The following STK32B variants were observed in gnomAD, a reference collection of about 807,000 sequenced individuals.
STK32B encodes serine/threonine-protein kinase 32B.
STK32B carries 43 observed loss-of-function variants against 52.6 expected under a neutral mutation model. That is an observed-to-expected ratio of 0.82 (90% CI 0.64 to 1.05). STK32B has a LOEUF of 1.05. Ranked by LOEUF, STK32B falls within the 50% of genes least tolerant of loss-of-function variation. The probability of loss-of-function intolerance (pLI) is 0.00; values close to 1 mark genes in which losing one functional copy is unlikely to be tolerated. For synonymous variants in STK32B, 238 were observed against 204.3 expected (o/e 1.17, Z -1.41); for missense variants, 621 against 534.6 (o/e 1.16, Z -1.59).
chr4:5,272,920 CAT>C (rs1459043172), intron 3 of STK32B, among the ~76,000 whole-genome samples: 2 of 146,766 alleles, frequency 1.4e-5, no homozygotes, highest in African/African-American at 5.1e-5. Context: ...CCATTCAGGA[CAT>C]AGGCATGGGC....
intron 1 of STK32B, among the ~76,000 whole-genome samples, chr4:5,127,391 G>A (rs1715468950): frequency 6.6e-6 from 1 of 152,172 alleles, no homozygotes; most frequent in African/African-American, 2.4e-5. Context: ...TGGGGCTGTG[G>A]TGAATTGACA....
At chr4:5,356,643 C>T (rs1164998046) in intron 4 of STK32B, among the ~76,000 whole-genome samples, 1 of 152,178 alleles carries the variant, frequency 6.6e-6, no homozygotes, top group African/African-American at 2.4e-5. Context: ...GGCGGTCCTT[C>T]TGGAATTACC....
chr4:5,308,082 G>T (rs1730047323), intron 3 of STK32B, among the ~76,000 whole-genome samples: 1 of 152,140 alleles, frequency 6.6e-6, no homozygotes, highest in Non-Finnish European at 1.5e-5. Flanking sequence ...TTTGTTAAGT[G>T]TGCTGGTTTT....
In STK32B at chr4:5,130,773, C is replaced by T. The variant is rs557373846; in HGVS notation, c.53-9132C>T. On this transcript the variant is annotated intron_variant, in intron 1 of 11. Coordinates refer to ENST00000282908, the MANE Select transcript of STK32B (RefSeq NM_018401.3). ...TGTCTACCAATCCAGTGGGTTAATC[C>T]TTCCTCCACCCTGCCCCACTCATCC... is the stretch of plus-strand genomic sequence containing the variant. 6.6e-5 allele frequency among the ~76,000 whole-genome samples: 10 copies of T among 152,256 alleles called. No individual in the cohort carries two copies. The South Asian group carries it at 1.7e-3, about 25-fold the overall frequency.
At chr4:5,036,206 A>C in the STK32B span, among the ~76,000 whole-genome samples, 1 of 152,194 alleles carries the variant, frequency 6.6e-6, no homozygotes, top group Non-Finnish European at 1.5e-5. Flanking sequence ...ATAGATGTGA[A>C]ACCAATCTGA....
chr4:5,317,054 A>ATCATATATAT (rs1730999914), intron 3 of STK32B, among the ~76,000 whole-genome samples: 4 of 38,816 alleles, frequency 1.0e-4, no homozygotes, highest in East Asian at 1.3e-3. Context: ...TATATATAAT[A>ATCATATATAT]TATATGATAT....
intron 1 of STK32B, among the ~76,000 whole-genome samples, chr4:5,093,152 T>A (rs1370098900): frequency 6.6e-6 from 1 of 151,728 alleles, no homozygotes; most frequent in African/African-American, 2.4e-5. Context: ...ACTGAAAAAA[T>A]TAAGAAAAAG....
At position 5,118,107 on chromosome 4, in the gene STK32B, T is replaced by C. The variant is rs371792411; in HGVS notation, c.53-21798T>C. On this transcript the variant is annotated intron_variant, in intron 1 of 11. Transcript: ENST00000282908. ...AAGGGTTCCTTTCTCTTCAATTTTT[T>C]GGGAACAGTTAGAGAAGGATTGGCC... Among the ~76,000 whole-genome samples, 8 of 152,202 alleles carry C rather than the reference T, an allele frequency of 5.3e-5. No homozygotes were observed. The East Asian group carries it at 7.7e-4, about 15-fold the overall frequency.
chr4:5,478,151 C>T lies in STK32B; in HGVS notation c.1106+10081C>T, dbSNP rs557621267. Among the ~76,000 whole-genome samples the T allele has an allele frequency of 1.6e-4, 25 of 152,202 alleles. No individual in the cohort carries two copies. In the Middle Eastern group the frequency reaches 0.01, roughly 62 times the overall value. ...CTACCAGTTGCCCATCCATTCTCACCCTAAAAATGGGCCTGGTTCACTTTT... is the reference window on the plus strand; with the variant it reads ...CTACCAGTTGCCCATCCATTCTCACTCTAAAAATGGGCCTGGTTCACTTTT... On this transcript the variant is annotated intron_variant, in intron 11 of 11. Transcript: ENST00000282908.
chr4:5,409,248 G>T (rs1191632151), intron 5 of STK32B, among the ~76,000 whole-genome samples: 2 of 152,080 alleles, frequency 1.3e-5, no homozygotes, highest in Non-Finnish European at 2.9e-5. Context: ...TCTGGCTCTT[G>T]TGATACAGGA....
intron 4 of STK32B, among the ~76,000 whole-genome samples, chr4:5,392,276 T>C (rs1372539271): frequency 6.6e-6 from 1 of 151,906 alleles, no homozygotes; most frequent in Admixed American, 6.6e-5. Context: ...AAATACAAAA[T>C]TTAGTCAGGT....
Position 5,411,424 on chromosome 4 carries a change from T to C in STK32B, c.473-5421T>C, listed in dbSNP as rs187373990. Among the ~76,000 whole-genome samples the C allele has an allele frequency of 3.3e-4, 51 of 152,298 alleles. No homozygotes were observed. The East Asian group carries it at 9.1e-3, about 27-fold the overall frequency. ...TAAAAAGTGGTCAAAAATGATTTCGTAGCAGACAAAAAGTAACAATGAAAC... is the reference window on the plus strand; with the variant it reads ...TAAAAAGTGGTCAAAAATGATTTCGCAGCAGACAAAAAGTAACAATGAAAC... On this transcript the variant is annotated intron_variant, in intron 5 of 11. Transcript: ENST00000282908.
intron 2 of STK32B, among the ~76,000 whole-genome samples, chr4:5,160,658 G>A (rs1391769796): frequency 6.6e-6 from 1 of 152,204 alleles, no homozygotes; most frequent in African/African-American, 2.4e-5. Context: ...CATTCATTCA[G>A]CCACAGTTAT....
rs115308286 is a variant in STK32B, at chr4:5,109,147, C to G, written c.53-30758C>G. 5.4e-3 allele frequency among the ~76,000 whole-genome samples: 827 copies of G among 152,304 alleles called. 8 individuals are homozygous for G. Among genetic ancestry groups the G allele is most frequent in the African/African-American group, 0.018 (763 of 41,556 alleles). On this transcript the variant is annotated intron_variant, in intron 1 of 11. Transcript: ENST00000282908. Reference sequence around the variant, plus strand: ...GCAACAAAACTATGTGCTTTATTATCCTGTGAGCCCTGACATCTCAGAATC... The same window carrying G: ...GCAACAAAACTATGTGCTTTATTATGCTGTGAGCCCTGACATCTCAGAATC...
chr4:5,136,490 A>G (rs1716086850), intron 1 of STK32B, among the ~76,000 whole-genome samples: 1 of 152,214 alleles, frequency 6.6e-6, no homozygotes, highest in African/African-American at 2.4e-5. Flanking sequence ...CTCAGATGGA[A>G]TGGGTTCCTG....
At chr4:5,043,448 T>C in the STK32B span, among the ~76,000 whole-genome samples, 1 of 152,232 alleles carries the variant, frequency 6.6e-6, no homozygotes, top group Non-Finnish European at 1.5e-5. Flanking sequence ...CTCTCATAAA[T>C]CTAGCTATAT....
At position 5,247,154 on chromosome 4, in the gene STK32B, G is replaced by T. The variant is rs1006796654; in HGVS notation, c.260+78704G>T. On this transcript the variant is annotated intron_variant, in intron 3 of 11. Coordinates refer to ENST00000282908, the MANE Select transcript of STK32B (RefSeq NM_018401.3). ...GGTTATTGCTGTCTTTTGTTTGTCTGTGCCCTGCCCCCAGAGGTGGAGCCT... is the reference window on the plus strand; with the variant it reads ...GGTTATTGCTGTCTTTTGTTTGTCTTTGCCCTGCCCCCAGAGGTGGAGCCT... Among the ~76,000 whole-genome samples, 7 of 152,310 alleles carry T rather than the reference G, an allele frequency of 4.6e-5. No individual in the cohort carries two copies. In the East Asian group the frequency reaches 1.2e-3, roughly 25 times the overall value.
intron 11 of STK32B, among the ~76,000 whole-genome samples, chr4:5,495,505 T>G (rs1287166273): frequency 3.3e-5 from 5 of 152,212 alleles, no homozygotes; most frequent in Admixed American, 3.3e-4. Context: ...TTTCAACTTC[T>G]TTGCCTTCAG....
Position 5,446,749 on chromosome 4 carries a change from C to T in STK32B, c.639C>T (p.Ile213=). The T allele has an allele frequency of 6.2e-7, 1 of 1,614,024 alleles. No individual in the cohort carries two copies. Among genetic ancestry groups the T allele is most frequent in the Non-Finnish European group, 8.5e-7 (1 of 1,179,982 alleles). ...CTGTCGACTGGTGGTCCCTGGGCAT[C>T]ACAGCCTATGAGCTGCTGCGGGGCT... ...SYPVDWWSLG[I]TAYELLRGWR... is the part of the protein sequence containing the mutation. Residue 213 remains isoleucine (I), a synonymous_variant, in exon 7 of 12, where the codon ATC becomes ATT. Transcript: ENST00000282908.
Sources: allele counts gnomAD v4.1 joint callset (sites outside exome capture counted in the v4.1 genomes callset), GRCh38; gene constraint gnomAD v4.1.1; transcripts MANE v1.5; gene names NCBI Gene and HGNC (gene_info 2026-07-23, HGNC 2026-07-21).